The following SLC27A6 variants were observed in gnomAD, a reference collection of about 807,000 sequenced individuals.
The protein encoded by SLC27A6 is solute carrier family 27 member 6, also known as long-chain fatty acid transport protein 6.
SLC27A6 carries 74 observed loss-of-function variants against 63.9 expected under a neutral mutation model. The observed-to-expected ratio is 1.16, with a 90% CI of 0.96 to 1.40. SLC27A6 has a LOEUF of 1.40. SLC27A6 is among the 40% of genes most tolerant of loss of function. SLC27A6 has a pLI of 0.00. For missense variants in SLC27A6, 794 were observed against 732.9 expected, an observed-to-expected ratio of 1.08 and a Z score of -0.96; for synonymous variants, 287 against 260.8, an observed-to-expected ratio of 1.10 and a Z score of -0.97.
chr5:128,984,520 G>T (rs1037093962), intron 1 of SLC27A6, among the ~76,000 whole-genome samples: 4 of 152,046 alleles, frequency 2.6e-5, no homozygotes, highest in Non-Finnish European at 5.9e-5. Context: ...TTTTCTTTCT[G>T]AACCTTAAAT....
At chr5:129,012,201 A>T (rs1561627664) in intron 4 of SLC27A6, among the ~76,000 whole-genome samples, 1 of 149,894 alleles carries the variant, frequency 6.7e-6, no homozygotes. Context: ...TTTCATTGTA[A>T]TTTTTTTTTC....
At chr5:129,027,076 G>T (rs1752266976) in intron 6 of SLC27A6, 57 bp from the exon 7 acceptor site, 7 of 1,339,686 alleles carry the variant, frequency 5.2e-6, no homozygotes, top group Non-Finnish European at 7.5e-6. Context: ...TACATTCATG[G>T]TGTGTGTAAC....
At chr5:129,009,309 C>T (rs1751646157) in intron 4 of SLC27A6, among the ~76,000 whole-genome samples, 1 of 152,096 alleles carries the variant, frequency 6.6e-6, no homozygotes, top group African/African-American at 2.4e-5. Context: ...TTAGTTATTA[C>T]TTATCTCCAT....
intron 5 of SLC27A6, among the ~76,000 whole-genome samples, chr5:129,021,677 A>G (rs1228781154): frequency 6.6e-6 from 1 of 152,202 alleles, no homozygotes; most frequent in East Asian, 1.9e-4. Context: ...TTGTATTATA[A>G]TGCAGCCATT....
chr5:128,983,055 G>A (rs1174578314), intron 1 of SLC27A6, among the ~76,000 whole-genome samples: 1 of 152,076 alleles, frequency 6.6e-6, no homozygotes, highest in African/African-American at 2.4e-5. Flanking sequence ...TTCCCCCAAT[G>A]TATTTCATTG....
chr5:129,019,907 A>T (rs1752021858), intron 5 of SLC27A6, among the ~76,000 whole-genome samples: 1 of 152,078 alleles, frequency 6.6e-6, no homozygotes, highest in African/African-American at 2.4e-5. Flanking sequence ...AGAAAAAAAT[A>T]ATTATTTCTA....
chr5:128,970,046 G>C (rs1229249325), intron 1 of SLC27A6, among the ~76,000 whole-genome samples: 11 of 151,592 alleles, frequency 7.3e-5, no homozygotes, highest in African/African-American at 2.7e-4. Flanking sequence ...CTTTGGTTCT[G>C]TTTATATGCT....
rs1051038758 is a variant in SLC27A6, at chr5:129,015,921, A to G, written c.1006A>G (p.Ile336Val). The change falls in exon 5 of 10, where the codon ATT (isoleucine) becomes GTT (valine). Residue 336 changes from isoleucine (I) to valine (V), a missense_variant. Transcript: ENST00000262462. The part of the protein sequence containing the change: ...GEKDHKVRLA[I>V]GNGIRSDVWR... ...AAAGGATCATAAGGTGCGTTTGGCA[A>G]TTGGAAATGGCATACGGAGTGATGT... The G allele has an allele frequency of 6.3e-7, 1 of 1,599,182 alleles. No homozygotes were observed. The highest frequency in any genetic ancestry group is 1.1e-5 in the South Asian group (1 of 87,994).
chr5:128,970,909 C>T lies in SLC27A6; in HGVS notation c.481+4291C>T, dbSNP rs1387855467. On this transcript the variant is annotated intron_variant, in intron 1 of 9. Coordinates refer to ENST00000262462, the MANE Select transcript of SLC27A6 (RefSeq NM_001017372.3). Reference sequence around the variant, plus strand: ...TGTGGGCATTTAGTGCTATAAATTTCCCTCTACACACTGCTTTAAATGTTT... The same window carrying T: ...TGTGGGCATTTAGTGCTATAAATTTTCCTCTACACACTGCTTTAAATGTTT... 2.6e-5 allele frequency among the ~76,000 whole-genome samples: 4 copies of T among 152,186 alleles called. No individual in the cohort carries two copies. The East Asian group carries it at 7.7e-4, about 29-fold the overall frequency.
intron 2 of SLC27A6, among the ~76,000 whole-genome samples, chr5:128,986,349 A>G (rs1750784954): frequency 6.6e-6 from 1 of 152,148 alleles, no homozygotes; most frequent in African/African-American, 2.4e-5. Flanking sequence ...GAAATGTTAA[A>G]CTTAATTGAT....
intron 4 of SLC27A6, among the ~76,000 whole-genome samples, chr5:129,005,705 T>C (rs942939398): frequency 2.9e-5 from 4 of 139,436 alleles, no homozygotes; most frequent in African/African-American, 8.2e-5. Context: ...CTCCGCCTCC[T>C]GGGTTCACGC....
intron 4 of SLC27A6, among the ~76,000 whole-genome samples, chr5:129,004,599 C>T (rs1406508710): frequency 1.3e-5 from 2 of 151,990 alleles, no homozygotes; most frequent in Admixed American, 6.5e-5. Context: ...CTTAGATATT[C>T]GGTGATATTT....
chr5:129,028,413 A>T lies in SLC27A6; in HGVS notation c.1523A>T (p.Glu508Val). Residue 508 changes from glutamate to valine, a missense_variant, in exon 8 of 10, where the codon GAA becomes GTA. By Grantham distance (121) the Glu-to-Val change is moderately radical (BLOSUM62 -2). Coordinates refer to ENST00000262462, the MANE Select transcript of SLC27A6 (RefSeq NM_001017372.3). Reference protein sequence around the residue: ...DVIGMLDFIQEANVYGVAISG... With the variant: ...DVIGMLDFIQVANVYGVAISG... ...ATTGGAATGTTGGATTTCATACAGG[A>T]AGCAAACGTCTATGGTGTGGCTATA... 6.2e-7 allele frequency: 1 copy of T among 1,608,090 alleles called. No homozygotes were observed. The highest frequency in any genetic ancestry group is 8.5e-7 in the Non-Finnish European group (1 of 1,175,308).
intron 4 of SLC27A6, among the ~76,000 whole-genome samples, chr5:129,013,705 G>T (rs972498411): frequency 6.6e-6 from 1 of 151,902 alleles, no homozygotes; most frequent in East Asian, 1.9e-4. Context: ...ATGGCTTCAT[G>T]TCTTTCTATC....
intron 1 of SLC27A6, among the ~76,000 whole-genome samples, chr5:128,980,241 G>A (rs1750537424): frequency 6.6e-6 from 1 of 152,096 alleles, no homozygotes; most frequent in Non-Finnish European, 1.5e-5. Context: ...CACCATTTAA[G>A]GAGGACTGAT....
At position 129,006,748 on chromosome 5, in the gene SLC27A6, TGTAA is replaced by T. The variant is rs1306407489; in HGVS notation, c.970-9134_970-9131del. On this transcript the variant is annotated intron_variant, in intron 4 of 9. Transcript: ENST00000262462. Reference sequence around the variant, plus strand: ...TTATGTCATTTATGTTTAACTCTTTTGTAAGTGTCATGTTTAGATTCTTAGTTAC... The same window carrying T: ...TTATGTCATTTATGTTTAACTCTTTTGTGTCATGTTTAGATTCTTAGTTAC... 3.3e-5 allele frequency among the ~76,000 whole-genome samples: 5 copies of T among 152,306 alleles called. No homozygotes were observed. The East Asian group carries it at 7.7e-4, about 24-fold the overall frequency.
chr5:128,984,576 T>G (rs1004860195), intron 1 of SLC27A6, among the ~76,000 whole-genome samples: 1 of 152,204 alleles, frequency 6.6e-6, no homozygotes, highest in African/African-American at 2.4e-5. Context: ...ACCCAATAGG[T>G]AATTTCTCAG....
intron 4 of SLC27A6, among the ~76,000 whole-genome samples, chr5:129,002,681 C>T (rs1323507613): frequency 6.6e-6 from 1 of 152,210 alleles, no homozygotes; most frequent in African/African-American, 2.4e-5. Context: ...AGACAACAAT[C>T]CCTGCCTTTA....
intron 1 of SLC27A6, among the ~76,000 whole-genome samples, chr5:128,968,944 G>C (rs141045965): frequency 6.6e-6 from 1 of 152,076 alleles, no homozygotes; most frequent in Admixed American, 6.5e-5. Context: ...TTTTGTATAA[G>C]GTGTAAGGAA....
Sources: allele counts gnomAD v4.1 joint callset (sites outside exome capture counted in the v4.1 genomes callset), GRCh38; gene constraint gnomAD v4.1.1; transcripts MANE v1.5; gene names NCBI Gene and HGNC (gene_info 2026-07-23, HGNC 2026-07-21).